Variants in COL4A3 observed in about 807,000 individuals in gnomAD.
COL4A3 encodes the protein collagen alpha-3(IV) chain.
Under a neutral mutation model 217.4 loss-of-function variants are expected in COL4A3, and 135 were observed. The observed-to-expected ratio is 0.62, with a 90% CI of 0.54 to 0.72. COL4A3 has a LOEUF of 0.72. Among genes scored for constraint, COL4A3 ranks in the 30% least tolerant of loss-of-function variants. COL4A3 has a pLI of 0.00. For synonymous variants in COL4A3, 690 were observed against 736.3 expected (o/e 0.94, Z 1.02); for missense variants, 1,868 against 2,119.9 (o/e 0.88, Z 2.33).
chr2:227,239,631 C>T (rs1160735980), intron 2 of COL4A3, among the ~76,000 whole-genome samples: 1 of 152,238 alleles, frequency 6.6e-6, no homozygotes, highest in African/African-American at 2.4e-5. Context: ...ACCTTTCCTG[C>T]ATCTCCTACA....
chr2:227,247,569 T>C lies in COL4A3; in HGVS notation c.453T>C (p.Gly151=). Residue 151 remains glycine (G), a synonymous_variant, in exon 8 of 52, where the codon GGT becomes GGC. Transcript: ENST00000396578. ...LGYPGIPGAA[G]LKGQKGAPAK... ...TGCTTTTTTCCTAGGGTGCTGCTGG[T>C]TTGAAAGGACAAAAGGTAAGTCATT... is the stretch of plus-strand genomic sequence containing the variant. 6.2e-7 allele frequency: 1 copy of C among 1,614,070 alleles called. No individual in the cohort carries two copies. The highest frequency in any genetic ancestry group is 8.5e-7 in the Non-Finnish European group (1 of 1,179,974).
At chr2:227,311,404 G>C (rs1208390447) in intron 51 of COL4A3, among the ~76,000 whole-genome samples, 1 of 148,158 alleles carries the variant, frequency 6.7e-6, no homozygotes, top group Non-Finnish European at 1.5e-5. Flanking sequence ...TCTTGAGATG[G>C]AGTCTCGCTC....
Position 227,310,802 on chromosome 2 carries a change from C to T in COL4A3, c.4782C>T (p.Thr1594=), listed in dbSNP as rs765966283. The part of the protein sequence containing the change: ...IMFTSAGSEG[T]GQALASPGSC... ...TCACAAGTGCAGGTTCTGAGGGCAC[C>T]GGGCAAGCACTGGCCTCCCCTGGCT... is the stretch of plus-strand genomic sequence containing the variant. The change falls in exon 51 of 52, where the codon ACC becomes ACT. Residue 1594 remains threonine (T), a synonymous_variant. Transcript: ENST00000396578. The T allele has an allele frequency of 1.5e-5, 25 of 1,613,950 alleles. No homozygotes were observed. The highest frequency in any genetic ancestry group is 4.5e-5 in the East Asian group (2 of 44,894).
At chr2:227,311,070 A>T in intron 51 of COL4A3, 122 bp downstream of exon 51, 2 of 988,124 alleles carry the variant, frequency 2.0e-6, no homozygotes, top group Non-Finnish European at 3.2e-6. Context: ...AAGACAAAAT[A>T]TGGGTTTTGT....
At chr2:227,269,602 T>C (rs1342567093) in intron 23 of COL4A3, among the ~76,000 whole-genome samples, 3 of 152,164 alleles carry the variant, frequency 2.0e-5, no homozygotes, top group African/African-American at 7.2e-5. Flanking sequence ...TTTAGTCTCT[T>C]CTTTCTGCAT....
chr2:227,302,299 G>A (rs189441993), intron 43 of COL4A3, among the ~76,000 whole-genome samples: 85 of 152,286 alleles, frequency 5.6e-4, no homozygotes, highest in African/African-American at 1.9e-3. Flanking sequence ...TTATGGCTCT[G>A]CTAGCTTAGT....
intron 2 of COL4A3, 71 bp from the exon 3 acceptor site, chr2:227,240,072 T>G: frequency 8.4e-7 from 1 of 1,191,362 alleles, no homozygotes; most frequent in Non-Finnish European, 1.2e-6. Flanking sequence ...GAGAACATAA[T>G]GGTTATTGGT....
At position 227,238,025 on chromosome 2, in the gene COL4A3, G is replaced by GT. The variant is rs1465929499; in HGVS notation, c.144+2dup. On this transcript the variant is annotated splice_donor_variant, in intron 2 of 51. Coordinates refer to ENST00000396578, the MANE Select transcript of COL4A3 (RefSeq NM_000091.5). LOFTEE classifies it high-confidence loss of function. ...CTGTGACGGGGCCAAAGGGGAGAAG[G>GT]TAAAAACAAACCCTAATACTGCTTG... 1 of 1,598,188 alleles carries GT rather than the reference G, an allele frequency of 6.3e-7. No individual in the cohort carries two copies. Among genetic ancestry groups the GT allele is most frequent in the East Asian group, 2.2e-5 (1 of 44,776 alleles).
intron 1 of COL4A3, among the ~76,000 whole-genome samples, chr2:227,178,418 A>G (rs888217104): frequency 6.6e-6 from 1 of 152,202 alleles, no homozygotes; most frequent in Non-Finnish European, 1.5e-5. Context: ...AAATGTGTGT[A>G]TACTATATAT....
Position 227,267,947 on chromosome 2 carries a change from G to A in COL4A3, c.1504+859G>A, listed in dbSNP as rs575813010. 1.6e-4 allele frequency among the ~76,000 whole-genome samples: 24 copies of A among 152,146 alleles called. No individual in the cohort carries two copies. The East Asian group carries it at 2.1e-3, about 13-fold the overall frequency. On this transcript the variant is annotated intron_variant, in intron 23 of 51. Coordinates refer to ENST00000396578, the MANE Select transcript of COL4A3 (RefSeq NM_000091.5). ...CACCACCTCTGCTTTCGACCTCCCC[G>A]TCTTCAGTCACAGAACTGCCTATGG... is the stretch of plus-strand genomic sequence containing the variant.
At chr2:227,205,184 G>A (rs2067053993) in intron 1 of COL4A3, among the ~76,000 whole-genome samples, 1 of 151,116 alleles carries the variant, frequency 6.6e-6, no homozygotes, top group Non-Finnish European at 1.5e-5. Context: ...AATCTTATCT[G>A]TATATTAAAA....
At chr2:227,201,707 G>A (rs1245406315) in intron 1 of COL4A3, among the ~76,000 whole-genome samples, 1 of 152,140 alleles carries the variant, frequency 6.6e-6, no homozygotes, top group Non-Finnish European at 1.5e-5. Flanking sequence ...AAAACAGAAA[G>A]GATTCTGAAT....
rs200509072 is a variant in COL4A3, at chr2:227,307,752, G to A, written c.4295G>A (p.Arg1432His). ...GGATTGCCAGGTTTGAAAGGAAAAC[G>A]TGGAGACAGTGGATCACCTGCAACC... ...SDGLPGLKGK[R>H]GDSGSPATWT... Residue 1432 changes from arginine to histidine, a missense_variant, in exon 48 of 52, where the codon CGT becomes CAT. This residue lies in a region of COL4A3 where 1,503 missense variants were observed against 1,786.1 expected (regional missense o/e 0.84). Transcript: ENST00000396578. 2.3e-4 allele frequency: 379 copies of A among 1,614,162 alleles called. No homozygotes were observed. The African/African-American group carries it at 2.5e-3, about 10-fold the overall frequency.
intron 26 of COL4A3, 65 bp downstream of exon 26, chr2:227,273,182 G>A (rs1432292261): frequency 8.3e-5 from 130 of 1,557,544 alleles, no homozygotes; most frequent in Non-Finnish European, 8.8e-5. Context: ...TAGAGCTAAC[G>A]AAGCTTCTCC....
At chr2:227,260,181 T>A in intron 19 of COL4A3, 1 of 520,644 alleles carries the variant, frequency 1.9e-6, no homozygotes, top group Non-Finnish European at 3.6e-6. Context: ...TCAATGGGAT[T>A]ACGAAGGGAA....
chr2:227,220,136 A>ATATATG lies in COL4A3; in HGVS notation c.88-17831_88-17830insATATGT, dbSNP rs1553743817. 3.7e-4 allele frequency among the ~76,000 whole-genome samples: 47 copies of ATATATG among 127,152 alleles called. No individual in the cohort carries two copies. In the Admixed American group the frequency reaches 3.8e-3, roughly 10 times the overall value. The allele number at this position is 127,152 out of a possible 152,430, so 83.4% of individuals were successfully genotyped here. A position where few individuals can be genotyped will look rare whatever the true frequency, so the allele number is the denominator to read the frequency against. On this transcript the variant is annotated intron_variant, in intron 1 of 51. Coordinates refer to ENST00000396578, the MANE Select transcript of COL4A3 (RefSeq NM_000091.5). Reference sequence around the variant, plus strand: ...GCTTCTTGTTTAATAAGGCGGTTTTATGTGTGTGTGTGTGTGTGTGTGTGT... The same window carrying ATATATG: ...GCTTCTTGTTTAATAAGGCGGTTTTATATATGTGTGTGTGTGTGTGTGTGTGTGTGT...
intron 43 of COL4A3, among the ~76,000 whole-genome samples, chr2:227,299,611 ATTATACTC>A (rs2073191318): frequency 6.6e-6 from 1 of 152,230 alleles, no homozygotes; most frequent in South Asian, 2.1e-4. Flanking sequence ...CAAGAGTACT[ATTATACTC>A]TTATAAATTA....
Position 227,186,804 on chromosome 2 carries a change from T to C in COL4A3, c.87+21991T>C, listed in dbSNP as rs543137732. Among the ~76,000 whole-genome samples, 6 of 150,584 alleles carry C rather than the reference T, an allele frequency of 4.0e-5. No individual in the cohort carries two copies. The South Asian group carries it at 1.3e-3, about 33-fold the overall frequency. ...CTCTACTAAAACATCATAAATTGGG[T>C]GGCTTATAAATAACAGACATTTATT... On this transcript the variant is annotated intron_variant, in intron 1 of 51. Transcript: ENST00000396578.
intron 1 of COL4A3, among the ~76,000 whole-genome samples, chr2:227,219,573 A>G (rs1282182120): frequency 1.3e-5 from 2 of 152,176 alleles, no homozygotes; most frequent in Admixed American, 6.5e-5. Flanking sequence ...TAAAATATCC[A>G]AACGTTTGTA....
Sources: allele counts gnomAD v4.1 joint callset (sites outside exome capture counted in the v4.1 genomes callset), GRCh38; gene constraint gnomAD v4.1.1; regional missense constraint gnomAD v4.1.1; transcripts MANE v1.5; gene names NCBI Gene and HGNC (gene_info 2026-07-23, HGNC 2026-07-21).